The following RCOR1 variants were observed in gnomAD, a reference collection of about 807,000 sequenced individuals.
RCOR1 encodes REST corepressor 1, also known as REST corepressor.
Under a neutral mutation model 64.0 loss-of-function variants are expected in RCOR1, and 12 were observed. That is an observed-to-expected ratio of 0.19 (90% CI 0.12 to 0.30). RCOR1 has a LOEUF of 0.30. Among genes scored for constraint, RCOR1 ranks in the 10% least tolerant of loss-of-function variants. RCOR1 has a pLI of 1.00. For missense variants in RCOR1, 502 were observed against 621.2 expected, an observed-to-expected ratio of 0.81 and a Z score of 2.04; for synonymous variants, 279 against 227.2, an observed-to-expected ratio of 1.23 and a Z score of -2.05.
intron 4 of RCOR1, among the ~76,000 whole-genome samples, chr14:102,706,145 TAAA>T (rs1313330045): frequency 3.1e-5 from 2 of 63,872 alleles, no homozygotes; most frequent in African/African-American, 6.8e-5. Context: ...AAAAAAAACC[TAAA>T]AAAACAGTAA....
At chr14:102,725,596 C>T (rs538772137) in intron 11 of RCOR1, among the ~76,000 whole-genome samples, 20 of 152,148 alleles carry the variant, frequency 1.3e-4, no homozygotes, top group East Asian at 5.8e-4. Context: ...GTTTTTGAGA[C>T]GGAGTCTTGT....
intron 11 of RCOR1, among the ~76,000 whole-genome samples, chr14:102,725,851 G>A (rs867242120): frequency 6.6e-6 from 1 of 152,088 alleles, no homozygotes; most frequent in Non-Finnish European, 1.5e-5. Flanking sequence ...GATTACAGGC[G>A]TGAGCCACTG....
At chr14:102,594,470 A>G (rs1265860471) in intron 2 of RCOR1, among the ~76,000 whole-genome samples, 2 of 152,190 alleles carry the variant, frequency 1.3e-5, no homozygotes, top group East Asian at 1.9e-4. Flanking sequence ...ACTAAACTGC[A>G]CTTTGAAGTG....
At chr14:102,622,629 G>A (rs1271582692) in intron 2 of RCOR1, among the ~76,000 whole-genome samples, 1 of 151,908 alleles carries the variant, frequency 6.6e-6, no homozygotes, top group Non-Finnish European at 1.5e-5. Context: ...TTTCTTCTGT[G>A]ATTTCCGCCC....
chr14:102,681,857 A>T, intron 2 of RCOR1, 38 bp from the exon 3 acceptor site: 1 of 1,456,474 alleles, frequency 6.9e-7, no homozygotes, highest in Non-Finnish European at 9.5e-7. Flanking sequence ...TATATGTGTT[A>T]AATTTTAATA....
At chr14:102,655,798 C>T (rs552657813) in intron 2 of RCOR1, among the ~76,000 whole-genome samples, 2 of 152,020 alleles carry the variant, frequency 1.3e-5, no homozygotes, top group Non-Finnish European at 2.9e-5. Context: ...ACTAAAAATA[C>T]AAAAATTAGC....
chr14:102,727,281 A>ACTC lies in RCOR1; in HGVS notation c.*776_*777insTCC, dbSNP rs1896286396. ...GTGGTTGCCACCCCATCTTTTCCTG[A>ACTC]CCCCCCCCACCCCCCCACCTCCAAG... On this transcript the variant is annotated 3_prime_UTR_variant, in exon 12 of 12. Coordinates refer to ENST00000262241, the MANE Select transcript of RCOR1 (RefSeq NM_015156.4). 1 of 118,172 alleles carries ACTC rather than the reference A, an allele frequency of 8.5e-6. No homozygotes were observed. 7.3% of individuals were successfully genotyped at this position (118,172 alleles called of 1,614,324 possible).
intron 8 of RCOR1, among the ~76,000 whole-genome samples, chr14:102,718,380 C>T (rs957167459): frequency 8.5e-5 from 13 of 152,300 alleles, no homozygotes; most frequent in South Asian, 4.1e-4. Context: ...CCGTGCGTTG[C>T]GTACTGCTCT....
chr14:102,627,839 G>T (rs1329282687), intron 2 of RCOR1, among the ~76,000 whole-genome samples: 1 of 151,944 alleles, frequency 6.6e-6, no homozygotes, highest in Non-Finnish European at 1.5e-5. Flanking sequence ...CCAGCAATCT[G>T]TTTGCAGTCT....
At chr14:102,622,536 G>GT (rs920445733) in intron 2 of RCOR1, among the ~76,000 whole-genome samples, 2 of 152,062 alleles carry the variant, frequency 1.3e-5, no homozygotes, top group African/African-American at 4.8e-5. Flanking sequence ...TTCTGATCCT[G>GT]TTTTTCACCT....
intron 11 of RCOR1, among the ~76,000 whole-genome samples, chr14:102,722,821 A>G (rs1309664200): frequency 6.6e-6 from 1 of 152,224 alleles, no homozygotes; most frequent in Non-Finnish European, 1.5e-5. Context: ...TCACATCATC[A>G]TGACGCAGCA....
chr14:102,649,067 A>G (rs551848268), intron 2 of RCOR1, among the ~76,000 whole-genome samples: 1 of 91,150 alleles, frequency 1.1e-5, no homozygotes, highest in Non-Finnish European at 2.3e-5. Context: ...CAAAAAAAAC[A>G]AAAAAAAAAT....
At chr14:102,679,311 A>T (rs2139958652) in intron 2 of RCOR1, among the ~76,000 whole-genome samples, 1 of 152,228 alleles carries the variant, frequency 6.6e-6, no homozygotes, top group South Asian at 2.1e-4. Flanking sequence ...AATTTTTTTA[A>T]AAAAATGTTT....
chr14:102,685,628 G>A (rs1595229989), intron 3 of RCOR1, among the ~76,000 whole-genome samples: 1 of 151,886 alleles, frequency 6.6e-6, no homozygotes. Flanking sequence ...GACTACACAC[G>A]CAGGCCCCTG....
intron 2 of RCOR1, among the ~76,000 whole-genome samples, chr14:102,660,898 A>G (rs999316121): frequency 6.6e-6 from 1 of 151,846 alleles, no homozygotes; most frequent in Non-Finnish European, 1.5e-5. Context: ...GTAGATTACT[A>G]TCTCATAAAT....
intron 2 of RCOR1, among the ~76,000 whole-genome samples, chr14:102,632,901 T>A (rs1049963118): frequency 5.3e-5 from 8 of 151,188 alleles, no homozygotes; most frequent in Admixed American, 4.7e-4. Context: ...AGCCTCAAAC[T>A]CCTGGGCTCA....
intron 11 of RCOR1, among the ~76,000 whole-genome samples, chr14:102,723,522 G>T (rs1252692751): frequency 1.3e-5 from 2 of 152,210 alleles, no homozygotes; most frequent in Non-Finnish European, 2.9e-5. Flanking sequence ...TTTATAATAA[G>T]TGTACCACGT....
chr14:102,634,673 C>T (rs1271618716), intron 2 of RCOR1, among the ~76,000 whole-genome samples: 1 of 149,610 alleles, frequency 6.7e-6, no homozygotes, highest in Non-Finnish European at 1.5e-5. Context: ...TACACACACA[C>T]GTACATACAT....
chr14:102,643,719 G>GTAGAGTTTGAAC (rs1187090899), intron 2 of RCOR1, among the ~76,000 whole-genome samples: 2 of 152,154 alleles, frequency 1.3e-5, no homozygotes, highest in Non-Finnish European at 2.9e-5. Context: ...TTTACTTTTG[G>GTAGAGTTTGAAC]TAGAGTTTGA....
Sources: allele counts gnomAD v4.1 joint callset (sites outside exome capture counted in the v4.1 genomes callset), GRCh38; gene constraint gnomAD v4.1.1; transcripts MANE v1.5; gene names NCBI Gene and HGNC (gene_info 2026-07-23, HGNC 2026-07-21).